The following FHIP1A variants were observed in gnomAD, a reference collection of about 807,000 sequenced individuals.
FHIP1A encodes the protein FHF complex subunit HOOK-interacting protein 1A.
Under a neutral mutation model 88.6 loss-of-function variants are expected in FHIP1A, and 61 were observed. The observed-to-expected ratio is 0.69, with a 90% CI of 0.56 to 0.85. The LOEUF (loss-of-function observed/expected upper bound fraction) is 0.85, where lower values mean the gene tolerates loss of function less well. FHIP1A is among the 40% of genes least tolerant of loss of function. The probability of loss-of-function intolerance (pLI) is 0.00; values close to 1 mark genes in which losing one functional copy is unlikely to be tolerated. For missense variants in FHIP1A, 1,154 were observed against 1,273.5 expected (o/e 0.91, Z 1.43); for synonymous variants, 478 against 496.0 (o/e 0.96, Z 0.48).
intron 9 of FHIP1A, 37 bp from the exon 10 acceptor site, chr4:151,646,521 T>G (rs374542163): frequency 6.8e-7 from 1 of 1,474,860 alleles, no homozygotes; most frequent in East Asian, 2.5e-5. Context: ...TTCAAGACAT[T>G]GCAGAGACCA....
At chr4:151,640,577 A>G (rs1051644793) in intron 9 of FHIP1A, among the ~76,000 whole-genome samples, 2 of 152,220 alleles carry the variant, frequency 1.3e-5, no homozygotes, top group African/African-American at 4.8e-5. Context: ...TTAGTGCCAA[A>G]AAAACCAGGC....
chr4:151,532,113 G>A (rs1731899061), intron 3 of FHIP1A, among the ~76,000 whole-genome samples: 2 of 152,164 alleles, frequency 1.3e-5, no homozygotes, highest in Admixed American at 1.3e-4. Flanking sequence ...TGACAGCTCT[G>A]CTGTTGTTTG....
At chr4:151,579,298 T>G (rs975235573) in intron 5 of FHIP1A, among the ~76,000 whole-genome samples, 1 of 152,184 alleles carries the variant, frequency 6.6e-6, no homozygotes, top group African/African-American at 2.4e-5. Flanking sequence ...GTAACAAATG[T>G]AGCACTCTGG....
intron 7 of FHIP1A, among the ~76,000 whole-genome samples, chr4:151,623,003 C>T (rs768057020): frequency 6.6e-6 from 1 of 152,166 alleles, no homozygotes; most frequent in Non-Finnish European, 1.5e-5. Context: ...AGGCTATAGA[C>T]GTAGCCATTT....
intron 3 of FHIP1A, among the ~76,000 whole-genome samples, chr4:151,541,882 A>ACGCCTTTT (rs1732306976): frequency 6.6e-6 from 1 of 152,306 alleles, no homozygotes; most frequent in South Asian, 2.1e-4. Context: ...TTACTACAGT[A>ACGCCTTTT]CGCCTTTTCG....
intron 3 of FHIP1A, among the ~76,000 whole-genome samples, chr4:151,504,869 C>T (rs955967221): frequency 2.0e-5 from 3 of 152,134 alleles, no homozygotes; most frequent in Admixed American, 6.5e-5. Context: ...CCACGCACCT[C>T]GGCCTCCCAA....
At chr4:151,601,542 T>C (rs776300362) in intron 7 of FHIP1A, among the ~76,000 whole-genome samples, 5 of 150,928 alleles carry the variant, frequency 3.3e-5, no homozygotes, top group Non-Finnish European at 5.9e-5. Flanking sequence ...CCTTGTCCTC[T>C]GGAACCTAAA....
chr4:151,466,518 G>A (rs1246130224), intron 2 of FHIP1A, among the ~76,000 whole-genome samples: 1 of 152,084 alleles, frequency 6.6e-6, no homozygotes, highest in Non-Finnish European at 1.5e-5. Context: ...AGCTCATATA[G>A]CCAAGACAAT....
intron 7 of FHIP1A, among the ~76,000 whole-genome samples, chr4:151,617,755 G>C (rs1192640641): frequency 6.6e-6 from 1 of 152,082 alleles, no homozygotes; most frequent in Non-Finnish European, 1.5e-5. Context: ...GCATGGTGGC[G>C]TGTGCCTGTA....
intron 9 of FHIP1A, among the ~76,000 whole-genome samples, chr4:151,641,460 C>T (rs971366025): frequency 3.3e-5 from 5 of 152,164 alleles, no homozygotes; most frequent in African/African-American, 4.8e-5. Flanking sequence ...GCCTGCGGGC[C>T]GCATGTGGCC....
At chr4:151,558,956 A>G (rs993564382) in intron 3 of FHIP1A, among the ~76,000 whole-genome samples, 9 of 152,178 alleles carry the variant, frequency 5.9e-5, no homozygotes, top group African/African-American at 1.7e-4. Flanking sequence ...AAATAAGACT[A>G]CCACTCTTCT....
chr4:151,662,677 G>T lies in FHIP1A; in HGVS notation c.3046G>T (p.Glu1016Ter). 1 of 1,551,318 alleles carries T rather than the reference G, an allele frequency of 6.4e-7. No homozygotes were observed. The highest frequency in any genetic ancestry group is 2.4e-5 in the East Asian group (1 of 40,902). Residue 1016 changes from glutamate to a stop codon, truncating the protein, a stop_gained, in exon 14 of 14, where the codon GAG becomes TAG. Coordinates refer to ENST00000435205, the MANE Select transcript of FHIP1A (RefSeq NM_001109977.3). LOFTEE classifies it high-confidence loss of function. ...AAALFPEFLKELAALAQEHSI... is the reference protein window; with the variant it reads ...AAALFPEFLK ...TGCCCTCTTCCCAGAGTTCCTGAAGGAGCTGGCGGCCTTGGCCCAGGAACA... is the reference window on the plus strand; with the variant it reads ...TGCCCTCTTCCCAGAGTTCCTGAAGTAGCTGGCGGCCTTGGCCCAGGAACA...
At chr4:151,536,849 A>G (rs1732087576) in intron 3 of FHIP1A, among the ~76,000 whole-genome samples, 1 of 152,080 alleles carries the variant, frequency 6.6e-6, no homozygotes, top group African/African-American at 2.4e-5. Flanking sequence ...TGGATTGAAC[A>G]GTAGTTACAT....
At chr4:151,413,466 A>G (rs1448936056) in intron 1 of FHIP1A, among the ~76,000 whole-genome samples, 2 of 151,996 alleles carry the variant, frequency 1.3e-5, no homozygotes, top group Admixed American at 1.3e-4. Flanking sequence ...TACTTTATTT[A>G]TTTTTTGAGG....
At chr4:151,626,607 A>G (rs1272016300) in intron 7 of FHIP1A, among the ~76,000 whole-genome samples, 1 of 152,254 alleles carries the variant, frequency 6.6e-6, no homozygotes, top group Non-Finnish European at 1.5e-5. Flanking sequence ...AAGCTTTAGT[A>G]TCCCTAAACT....
chr4:151,582,753 A>G (rs760992551), intron 5 of FHIP1A, among the ~76,000 whole-genome samples: 1 of 152,206 alleles, frequency 6.6e-6, no homozygotes, highest in African/African-American at 2.4e-5. Flanking sequence ...ATGTTTTGCA[A>G]TTTTTTTGTG....
chr4:151,628,734 GT>G (rs760359374), intron 7 of FHIP1A, among the ~76,000 whole-genome samples: 22 of 152,178 alleles, frequency 1.4e-4, no homozygotes, highest in Non-Finnish European at 2.6e-4. Context: ...GAATCTGAGA[GT>G]TTGAACTATT....
At chr4:151,538,623 G>T (rs1010588201) in intron 3 of FHIP1A, among the ~76,000 whole-genome samples, 1 of 152,156 alleles carries the variant, frequency 6.6e-6, no homozygotes, top group Non-Finnish European at 1.5e-5. Flanking sequence ...AGATGTGGTT[G>T]GGTACTTCTG....
At chr4:151,578,422 T>C (rs1007000890) in intron 5 of FHIP1A, among the ~76,000 whole-genome samples, 1 of 152,216 alleles carries the variant, frequency 6.6e-6, no homozygotes, top group African/African-American at 2.4e-5. Flanking sequence ...AGGTTGATTT[T>C]GCTCCAAGGA....
Sources: allele counts gnomAD v4.1 joint callset (sites outside exome capture counted in the v4.1 genomes callset), GRCh38; gene constraint gnomAD v4.1.1; transcripts MANE v1.5; gene names NCBI Gene and HGNC (gene_info 2026-07-23, HGNC 2026-07-21).